The following RERG variants were observed in gnomAD, a reference collection of about 807,000 sequenced individuals.
RERG encodes ras-related and estrogen-regulated growth inhibitor.
RERG carries 25 observed loss-of-function variants against 23.2 expected under a neutral mutation model. That is an observed-to-expected ratio of 1.08 (90% confidence interval 0.79 to 1.50). The LOEUF (loss-of-function observed/expected upper bound fraction) is 1.50, where lower values mean the gene tolerates loss of function less well. Ranked by LOEUF, RERG falls within the 40% of genes most tolerant of loss-of-function variation. The probability of loss-of-function intolerance (pLI) is 0.00; values close to 1 mark genes in which losing one functional copy is unlikely to be tolerated. For missense variants in RERG, 253 were observed against 250.1 expected (o/e 1.01, Z -0.08); for synonymous variants, 81 against 89.1 (o/e 0.91, Z 0.51).
At chr12:15,115,407 A>G (rs898114705) in intron 3 of RERG, among the ~76,000 whole-genome samples, 8 of 152,152 alleles carry the variant, frequency 5.3e-5, no homozygotes, top group Non-Finnish European at 1.2e-4. Context: ...AGGCTTGTAA[A>G]TACCATGCTT....
At chr12:15,174,954 T>C (rs1237462410) in intron 2 of RERG, among the ~76,000 whole-genome samples, 1 of 152,162 alleles carries the variant, frequency 6.6e-6, no homozygotes, top group Non-Finnish European at 1.5e-5. Context: ...ACTCTAAGAT[T>C]TGGGATCCCT....
intron 2 of RERG, among the ~76,000 whole-genome samples, chr12:15,124,834 AT>A (rs201239655): frequency 1.1e-3 from 169 of 151,376 alleles, no homozygotes; most frequent in African/African-American, 3.9e-3. Context: ...GCCAGGACAG[AT>A]TTTTTTTTGG....
chr12:15,160,904 A>G (rs1864594480), intron 2 of RERG, among the ~76,000 whole-genome samples: 1 of 151,866 alleles, frequency 6.6e-6, no homozygotes, highest in African/African-American at 2.4e-5. Context: ...CGGGAGGCCG[A>G]GGCAGGCAGA....
chr12:15,203,262 T>A (rs1865241835), intron 2 of RERG, among the ~76,000 whole-genome samples: 1 of 151,706 alleles, frequency 6.6e-6, no homozygotes, highest in Admixed American at 6.6e-5. Flanking sequence ...TTCTCCCCCA[T>A]TTTTGGGTTT....
intron 2 of RERG, among the ~76,000 whole-genome samples, chr12:15,152,494 C>T (rs1380473595): frequency 6.6e-6 from 1 of 152,176 alleles, no homozygotes; most frequent in Non-Finnish European, 1.5e-5. Flanking sequence ...AAGCAAGCCA[C>T]CTCCTAGAGA....
rs1242643043 is a variant in RERG, at chr12:15,148,868, T to G, written c.62-27749A>C. ...CTCTGTTTTTTTTTTTTTTTTTTTT[T>G]TTTTTTTTTTTTTTTTTTTAGACAG... is the stretch of plus-strand genomic sequence containing the variant. On this transcript the variant is annotated intron_variant, in intron 2 of 4. Coordinates refer to ENST00000256953, the MANE Select transcript of RERG (RefSeq NM_032918.3). 2.5e-3 allele frequency among the ~76,000 whole-genome samples: 255 copies of G among 100,442 alleles called. 2 individuals are homozygous for G. The highest frequency in any genetic ancestry group is 0.011 in the African/African-American group (214 of 20,216). 65.9% of individuals were successfully genotyped at this position (100,442 alleles called of 152,430 possible).
intron 2 of RERG, among the ~76,000 whole-genome samples, chr12:15,147,067 CAAAA>C (rs544852513): frequency 1.9e-5 from 2 of 105,600 alleles, no homozygotes; most frequent in Admixed American, 1.0e-4. Context: ...TCAGTGAAGC[CAAAA>C]AAAAAAAAAA....
chr12:15,121,679 G>C (rs781098039), intron 2 of RERG, among the ~76,000 whole-genome samples: 4 of 152,318 alleles, frequency 2.6e-5, no homozygotes, highest in East Asian at 3.9e-4. Context: ...ACGATGCTAC[G>C]CAGTTTGCTT....
intron 2 of RERG, among the ~76,000 whole-genome samples, chr12:15,195,551 C>CTGTG (rs71042238): frequency 0.016 from 2,067 of 128,236 alleles, 37 homozygotes; most frequent in Middle Eastern, 0.033. Flanking sequence ...GCAAGCTTGG[C>CTGTG]TGTGTGTGTG....
intron 2 of RERG, among the ~76,000 whole-genome samples, chr12:15,145,309 A>G (rs1591646407): frequency 1.3e-5 from 2 of 152,374 alleles, no homozygotes; most frequent in South Asian, 4.1e-4. Flanking sequence ...ACCTGGAATT[A>G]AAGAAGAAGA....
chr12:15,126,387 G>A (rs941167059), intron 2 of RERG, among the ~76,000 whole-genome samples: 2 of 151,688 alleles, frequency 1.3e-5, no homozygotes, highest in Admixed American at 6.6e-5. Flanking sequence ...TCTAACACAC[G>A]TGATGTGCTA....
intron 2 of RERG, among the ~76,000 whole-genome samples, chr12:15,197,454 C>T (rs992104184): frequency 6.6e-6 from 1 of 152,104 alleles, no homozygotes; most frequent in African/African-American, 2.4e-5. Context: ...GGAGTGAGCA[C>T]ATATGAGTTC....
intron 2 of RERG, among the ~76,000 whole-genome samples, chr12:15,179,284 A>G (rs968943972): frequency 2.0e-5 from 3 of 152,194 alleles, no homozygotes; most frequent in Admixed American, 6.5e-5. Context: ...ATGTTATCAG[A>G]GTCACTTTCT....
intron 2 of RERG, among the ~76,000 whole-genome samples, chr12:15,165,791 T>C (rs1433927874): frequency 1.3e-5 from 2 of 152,286 alleles, no homozygotes; most frequent in East Asian, 3.9e-4. Context: ...GTTAAATACT[T>C]TCTGAGATCA....
intron 2 of RERG, among the ~76,000 whole-genome samples, chr12:15,208,250 ATGTG>A (rs146084360): frequency 6.6e-6 from 1 of 151,662 alleles, no homozygotes; most frequent in African/African-American, 2.4e-5. Flanking sequence ...GAATGAATGA[ATGTG>A]TGTGTGTGTG....
At chr12:15,109,962 A>AT (rs976543184) in intron 4 of RERG, among the ~76,000 whole-genome samples, 1 of 152,182 alleles carries the variant, frequency 6.6e-6, no homozygotes, top group Non-Finnish European at 1.5e-5. Flanking sequence ...TTTATTTATT[A>AT]TTTTTTTGGT....
intron 2 of RERG, among the ~76,000 whole-genome samples, chr12:15,176,205 G>A (rs963784243): frequency 6.6e-6 from 1 of 152,010 alleles, no homozygotes; most frequent in Non-Finnish European, 1.5e-5. Context: ...GAAGATTTTT[G>A]TGCATTATAA....
chr12:15,199,707 A>G (rs546387892), intron 2 of RERG, among the ~76,000 whole-genome samples: 1 of 152,194 alleles, frequency 6.6e-6, no homozygotes, highest in South Asian at 2.1e-4. Context: ...ATATACACAC[A>G]TTCATCAAAT....
At chr12:15,138,095 T>G in intron 2 of RERG, 1 of 261,298 alleles carries the variant, frequency 3.8e-6, no homozygotes, top group South Asian at 4.2e-5. Context: ...ATTTCACTCT[T>G]TTCTTGCTTG....
Sources: gnomAD v4.1 joint callset for allele counts (sites outside exome capture counted in the v4.1 genomes callset) on GRCh38, gnomAD v4.1.1 for gene constraint, MANE v1.5 for transcripts, NCBI Gene and HGNC (gene_info 2026-07-23, HGNC 2026-07-21) for gene names.